The following FBXL17 variants were observed in gnomAD, a reference collection of about 807,000 sequenced individuals.
The protein encoded by FBXL17 is F-box/LRR-repeat protein 17.
FBXL17 carries 22 observed loss-of-function variants against 66.2 expected under a neutral mutation model. The observed-to-expected ratio is 0.33, with a 90% CI of 0.24 to 0.47. FBXL17 has a LOEUF of 0.47. FBXL17 is among the 20% of genes least tolerant of loss of function. The pLI is 1.00. For synonymous variants in FBXL17, 474 were observed against 400.5 expected (o/e 1.18, Z -2.19); for missense variants, 878 against 948.2 (o/e 0.93, Z 0.97).
At chr5:108,160,192 T>C (rs947683820) in intron 6 of FBXL17, among the ~76,000 whole-genome samples, 7 of 152,190 alleles carry the variant, frequency 4.6e-5, no homozygotes, top group Non-Finnish European at 8.8e-5. Flanking sequence ...ACAGTTAATA[T>C]AGGTTGCTTG....
intron 7 of FBXL17, among the ~76,000 whole-genome samples, chr5:108,004,258 T>C (rs897712711): frequency 6.6e-6 from 1 of 152,130 alleles, no homozygotes; most frequent in African/African-American, 2.4e-5. Context: ...TTAACAGACA[T>C]TTGTGTGTGA....
At chr5:108,236,242 T>C (rs112896091) in intron 4 of FBXL17, among the ~76,000 whole-genome samples, 18,413 of 147,712 alleles carry the variant, frequency 0.12, 1,358 homozygotes, top group Admixed American at 0.17. Context: ...CCAGGCAGGG[T>C]GGCTCATGCC....
At chr5:107,934,714 G>A (rs982574878) in intron 7 of FBXL17, among the ~76,000 whole-genome samples, 1 of 152,018 alleles carries the variant, frequency 6.6e-6, no homozygotes, top group African/African-American at 2.4e-5. Flanking sequence ...GAATCCCAGC[G>A]ATTGCTATGA....
intron 5 of FBXL17, among the ~76,000 whole-genome samples, chr5:108,211,393 G>A (rs909686981): frequency 1.2e-4 from 19 of 152,214 alleles, no homozygotes; most frequent in South Asian, 4.2e-4. Context: ...TCTTTTGCTC[G>A]TTAGTTGATG....
chr5:108,016,782 C>CTTTTTTTTTT (rs372887324), intron 7 of FBXL17, among the ~76,000 whole-genome samples: 1 of 146,458 alleles, frequency 6.8e-6, no homozygotes, highest in Non-Finnish European at 1.5e-5. Context: ...TTCTTTCTTT[C>CTTTTTTTTTT]TTTCTTTTTT....
chr5:108,346,618 T>C (rs543027032), intron 4 of FBXL17, among the ~76,000 whole-genome samples: 1 of 152,246 alleles, frequency 6.6e-6, no homozygotes, highest in South Asian at 2.1e-4. Context: ...GGATGTAAAG[T>C]GAAAACCAAA....
chr5:108,067,945 A>T (rs1343526440), intron 6 of FBXL17, among the ~76,000 whole-genome samples: 3 of 152,190 alleles, frequency 2.0e-5, no homozygotes, highest in African/African-American at 7.2e-5. Context: ...GTGTGGTGAG[A>T]TCTCCATTAT....
intron 4 of FBXL17, among the ~76,000 whole-genome samples, chr5:108,229,439 C>T (rs1292494054): frequency 1.3e-5 from 2 of 152,080 alleles, no homozygotes; most frequent in African/African-American, 2.4e-5. Flanking sequence ...TGATCTTAGA[C>T]AAAGCCAACA....
Position 108,040,872 on chromosome 5 carries a change from T to C in FBXL17, c.1746-19871A>G, listed in dbSNP as rs565867412. Among the ~76,000 whole-genome samples the C allele has an allele frequency of 2.8e-3, 430 of 152,202 alleles. 2 individuals carry two copies. Among genetic ancestry groups the C allele is most frequent in the Middle Eastern group, 0.01 (3 of 294 alleles). ...TGCAGCTTTGGCATTGTAAGAATGA[T>C]TTGGTTTAGATCAGGCAATAAAACA... On this transcript the variant is annotated intron_variant, in intron 6 of 8. Transcript: ENST00000542267.
intron 1 of FBXL17, among the ~76,000 whole-genome samples, chr5:108,372,016 T>A (rs541230623): frequency 6.6e-6 from 1 of 152,230 alleles, no homozygotes; most frequent in South Asian, 2.1e-4. Context: ...TCCCCAGGGG[T>A]TGCCTTGCCC....
At chr5:108,018,295 A>G (rs902947497) in intron 7 of FBXL17, among the ~76,000 whole-genome samples, 8 of 152,148 alleles carry the variant, frequency 5.3e-5, no homozygotes, top group Non-Finnish European at 1.2e-4. Flanking sequence ...CCAGTCAAAG[A>G]AGGAAAAGGG....
intron 4 of FBXL17, among the ~76,000 whole-genome samples, chr5:108,236,759 G>A (rs776819591): frequency 2.0e-5 from 3 of 152,116 alleles, no homozygotes; most frequent in Non-Finnish European, 2.9e-5. Flanking sequence ...AATACCAATC[G>A]TTGATTAATT....
At chr5:107,880,943 C>A (rs759423919) in intron 8 of FBXL17, 94 bp downstream of exon 8, 1 of 1,601,968 alleles carries the variant, frequency 6.2e-7, no homozygotes, top group African/African-American at 1.3e-5. Context: ...ATATAATACA[C>A]GGGGGTGGAG....
intron 5 of FBXL17, among the ~76,000 whole-genome samples, chr5:108,222,803 A>T (rs1038055561): frequency 2.7e-5 from 4 of 150,442 alleles, no homozygotes; most frequent in African/African-American, 9.8e-5. Flanking sequence ...CCTCCCAAGT[A>T]GCTGGGATTA....
chr5:108,162,955 T>G (rs535468972), intron 6 of FBXL17, among the ~76,000 whole-genome samples: 1 of 152,274 alleles, frequency 6.6e-6, no homozygotes, highest in South Asian at 2.1e-4. Flanking sequence ...CAACTATGTA[T>G]CACCAGTACA....
At chr5:108,340,412 G>A (rs570687399) in intron 4 of FBXL17, among the ~76,000 whole-genome samples, 14 of 148,310 alleles carry the variant, frequency 9.4e-5, no homozygotes, top group South Asian at 2.1e-4. Flanking sequence ...AAAAAAACTC[G>A]TTTTAAATTA....
chr5:108,237,477 G>C (rs1755657939), intron 4 of FBXL17, among the ~76,000 whole-genome samples: 1 of 152,170 alleles, frequency 6.6e-6, no homozygotes, highest in Non-Finnish European at 1.5e-5. Context: ...AAGATTATGG[G>C]AGACCGAAAG....
In FBXL17 at chr5:107,876,431, G is replaced by C. The variant is rs141087203; in HGVS notation, c.1965+4606C>G. 6.4e-4 allele frequency among the ~76,000 whole-genome samples: 97 copies of C among 152,178 alleles called. 1 individual carries two copies. In the East Asian group the frequency reaches 0.011, roughly 17 times the overall value. On this transcript the variant is annotated intron_variant, in intron 8 of 8. Transcript: ENST00000542267. ...TCTCCATCCAACTGCTTTTCACAAG[G>C]GTTTGGCATTTGAGAATTGCTACGT...
At chr5:108,037,494 A>C (rs997461361) in intron 6 of FBXL17, among the ~76,000 whole-genome samples, 2 of 152,192 alleles carry the variant, frequency 1.3e-5, no homozygotes, top group African/African-American at 2.4e-5. Context: ...CTTAACATTT[A>C]TTTACTTACA....
Sources: gnomAD v4.1 joint callset for allele counts (sites outside exome capture counted in the v4.1 genomes callset) on GRCh38, gnomAD v4.1.1 for gene constraint, MANE v1.5 for transcripts, NCBI Gene and HGNC (gene_info 2026-07-23, HGNC 2026-07-21) for gene names.